Variants in HHAT observed in about 807,000 individuals in gnomAD.
The protein encoded by HHAT is hedgehog acyltransferase.
HHAT carries 47 observed loss-of-function variants against 70.8 expected under a neutral mutation model. The observed-to-expected ratio is 0.66, with a 90% CI of 0.53 to 0.85. HHAT has a LOEUF of 0.85. HHAT is among the 40% of genes least tolerant of loss of function. The probability of loss-of-function intolerance (pLI) is 0.00; values close to 1 mark genes in which losing one functional copy is unlikely to be tolerated. For synonymous variants in HHAT, 228 were observed against 247.6 expected (o/e 0.92, Z 0.74); for missense variants, 609 against 604.8 (o/e 1.01, Z -0.07).
intron 9 of HHAT, among the ~76,000 whole-genome samples, chr1:210,539,789 CT>C: frequency 6.6e-6 from 1 of 152,040 alleles, no homozygotes; most frequent in East Asian, 1.9e-4. Flanking sequence ...CTTTTTTGTG[CT>C]CACGAAGCCC....
At chr1:210,385,731 C>G (rs1461123289) in intron 3 of HHAT, among the ~76,000 whole-genome samples, 1 of 152,184 alleles carries the variant, frequency 6.6e-6, no homozygotes, top group African/African-American at 2.4e-5. Context: ...AAGCATGATA[C>G]GGTCTTGGCT....
At chr1:210,362,820 G>A (rs1255574113) in intron 2 of HHAT, 32 bp from the exon 3 acceptor site, 4 of 1,590,578 alleles carry the variant, frequency 2.5e-6, no homozygotes, top group Non-Finnish European at 3.4e-6. Flanking sequence ...GTTTAGATTT[G>A]TGACTAACGA....
chr1:210,598,229 T>C lies in HHAT; in HGVS notation c.1245+10130T>C, dbSNP rs1663450665. Among the ~76,000 whole-genome samples the C allele has an allele frequency of 2.0e-5, 3 of 151,412 alleles. No homozygotes were observed. The South Asian group carries it at 6.3e-4, about 32-fold the overall frequency. On this transcript the variant is annotated intron_variant, in intron 10 of 11. Transcript: ENST00000261458. Reference sequence around the variant, plus strand: ...AGACAAAGTTGTCTTTACTCTTCTGTCTCCTCTTCTCAAGCAGAAGTTTGG... The same window carrying C: ...AGACAAAGTTGTCTTTACTCTTCTGCCTCCTCTTCTCAAGCAGAAGTTTGG...
At chr1:210,327,453 A>T (rs193132362), upstream of HHAT, among the ~76,000 whole-genome samples, 15 of 152,124 alleles carry the variant, frequency 9.9e-5, no homozygotes, top group African/African-American at 3.4e-4. Context: ...GTATATCCCA[A>T]ATATTGCATG....
chr1:210,573,917 G>A (rs1042595995), intron 9 of HHAT, among the ~76,000 whole-genome samples: 1 of 152,198 alleles, frequency 6.6e-6, no homozygotes, highest in Non-Finnish European at 1.5e-5. Context: ...ATGAACCAGG[G>A]AAATGAGAGG....
chr1:210,411,763 G>A (rs1034635870), intron 6 of HHAT, among the ~76,000 whole-genome samples: 1 of 152,004 alleles, frequency 6.6e-6, no homozygotes, highest in African/African-American at 2.4e-5. Flanking sequence ...AAAGAGTCTG[G>A]GTGCCAGGAA....
Position 210,488,012 on chromosome 1 carries a change from G to C in HHAT, c.1007+23357G>C, listed in dbSNP as rs963579145. On this transcript the variant is annotated intron_variant, in intron 8 of 11. Coordinates refer to ENST00000261458, the MANE Select transcript of HHAT (RefSeq NM_018194.6). ...ATACATTAGTTTCAATCATCTGGCTGCTTCCTCGTGGGATTCCCATGCATC... is the reference window on the plus strand; with the variant it reads ...ATACATTAGTTTCAATCATCTGGCTCCTTCCTCGTGGGATTCCCATGCATC... Among the ~76,000 whole-genome samples the C allele has an allele frequency of 6.6e-5, 10 of 152,146 alleles. 1 individual carries two copies. Among genetic ancestry groups the C allele is most frequent in the East Asian group, 1.9e-4 (1 of 5,186 alleles).
intron 9 of HHAT, among the ~76,000 whole-genome samples, chr1:210,534,628 T>C (rs970352977): frequency 1.3e-5 from 2 of 152,220 alleles, no homozygotes; most frequent in Admixed American, 1.3e-4. Flanking sequence ...AATGTATACC[T>C]TATATACATA....
chr1:210,504,021 A>T (rs2094807978), intron 8 of HHAT, among the ~76,000 whole-genome samples: 1 of 152,190 alleles, frequency 6.6e-6, no homozygotes, highest in South Asian at 2.1e-4. Flanking sequence ...ACATCAATCA[A>T]TTGGATTTTT....
At chr1:210,577,355 C>T (rs183860401) in intron 9 of HHAT, among the ~76,000 whole-genome samples, 78 of 152,176 alleles carry the variant, frequency 5.1e-4, no homozygotes, top group African/African-American at 1.7e-3. Context: ...AAATTCATTC[C>T]GTACCTAGTG....
chr1:210,374,364 G>A (rs2089999994), intron 3 of HHAT: 1 of 152,224 alleles, frequency 6.6e-6, no homozygotes, highest in Non-Finnish European at 1.5e-5. Flanking sequence ...ACTGCCTACA[G>A]TTTGCACAAA....
chr1:210,655,972 C>G (rs1449786221), intron 11 of HHAT, among the ~76,000 whole-genome samples: 2 of 152,164 alleles, frequency 1.3e-5, no homozygotes, highest in Admixed American at 1.3e-4. Flanking sequence ...CTCTCGGAGG[C>G]AGATATCTGC....
chr1:210,586,283 G>C (rs751514388), intron 9 of HHAT, among the ~76,000 whole-genome samples: 1 of 151,964 alleles, frequency 6.6e-6, no homozygotes, highest in African/African-American at 2.4e-5. Context: ...TACAAAAAAA[G>C]TTTTAAATTA....
chr1:210,604,180 A>G (rs1360788950), intron 10 of HHAT, among the ~76,000 whole-genome samples: 1 of 152,002 alleles, frequency 6.6e-6, no homozygotes, highest in East Asian at 1.9e-4. Context: ...CCCAGGTTCA[A>G]GTGAAGCTTC....
intron 7 of HHAT, among the ~76,000 whole-genome samples, 170 bp from the exon 8 acceptor site, chr1:210,464,335 T>A (rs1268013763): frequency 6.6e-6 from 1 of 152,280 alleles, no homozygotes; most frequent in African/African-American, 2.4e-5. Context: ...AACCAAAAAA[T>A]TTCATTGAAT....
chr1:210,557,009 A>G (rs1279371850), intron 9 of HHAT, among the ~76,000 whole-genome samples: 4 of 152,192 alleles, frequency 2.6e-5, no homozygotes, highest in African/African-American at 2.4e-5. Context: ...TCCTGCAGAC[A>G]GTGCTGATTG....
chr1:210,592,731 T>C (rs1416813099), intron 10 of HHAT, among the ~76,000 whole-genome samples: 1 of 152,122 alleles, frequency 6.6e-6, no homozygotes, highest in African/African-American at 2.4e-5. Flanking sequence ...ATAGTTTTCA[T>C]TGTGGAGATA....
intron 8 of HHAT, among the ~76,000 whole-genome samples, chr1:210,499,014 C>T (rs574457503): frequency 2.0e-5 from 3 of 152,218 alleles, no homozygotes; most frequent in East Asian, 1.9e-4. Flanking sequence ...ATGATCTGCC[C>T]GCCTCAGCCT....
intron 1 of HHAT, among the ~76,000 whole-genome samples, chr1:210,344,899 AACAAGTCATGCCGGCATCG>A (rs2086374199): frequency 1.7e-4 from 2 of 11,816 alleles, no homozygotes; most frequent in African/African-American, 5.3e-3. Context: ...GAGTCATCGG[AACAAGTCATGCCGGCATCG>A]GAACAAGTCA....
Sources: allele counts gnomAD v4.1 joint callset (sites outside exome capture counted in the v4.1 genomes callset), GRCh38; gene constraint gnomAD v4.1.1; transcripts MANE v1.5; gene names NCBI Gene and HGNC (gene_info 2026-07-23, HGNC 2026-07-21).